Variants in WDR33 observed in about 807,000 individuals in gnomAD.
WDR33 encodes the protein WD repeat domain 33.
A neutral mutation model predicts 164.9 loss-of-function variants in WDR33; 47 were observed. The observed-to-expected ratio is 0.29, with a 90% CI of 0.23 to 0.36. The LOEUF (loss-of-function observed/expected upper bound fraction) is 0.36, where lower values mean the gene tolerates loss of function less well. Ranked by LOEUF, WDR33 falls within the 10% of genes least tolerant of loss-of-function variation. WDR33 has a pLI of 1.00. For synonymous variants in WDR33, 505 were observed against 589.0 expected, an observed-to-expected ratio of 0.86 and a Z score of 2.06; for missense variants, 1,137 against 1,754.1, an observed-to-expected ratio of 0.65 and a Z score of 6.28.
intron 8 of WDR33, among the ~76,000 whole-genome samples, chr2:127,725,474 C>T (rs749453260): frequency 1.8e-4 from 27 of 152,152 alleles, no homozygotes; most frequent in Non-Finnish European, 2.9e-4. Context: ...TGATGGCTCA[C>T]GCCTGTAATC....
At chr2:127,754,278 TA>T (rs752569673) in intron 7 of WDR33, among the ~76,000 whole-genome samples, 3 of 152,178 alleles carry the variant, frequency 2.0e-5, no homozygotes, top group Non-Finnish European at 4.4e-5. Context: ...AACATAAAAC[TA>T]ACGTTAATAT....
In WDR33 at chr2:127,783,778, G is replaced by C. The variant is rs910091987; in HGVS notation, c.-23-12774C>G. ...CACCACCACCCCCAGCTAATTTTTTGTATTTTTAGTAGAGACAAGGTTTCA... is the reference window on the plus strand; with the variant it reads ...CACCACCACCCCCAGCTAATTTTTTCTATTTTTAGTAGAGACAAGGTTTCA... On this transcript the variant is annotated intron_variant, in intron 1 of 21. Coordinates refer to ENST00000322313, the MANE Select transcript of WDR33 (RefSeq NM_018383.5). Among the ~76,000 whole-genome samples the C allele has an allele frequency of 7.9e-5, 12 of 151,328 alleles. 1 individual carries two copies. Among genetic ancestry groups the C allele is most frequent in the African/African-American group, 2.4e-4 (10 of 41,170 alleles).
intron 1 of WDR33, among the ~76,000 whole-genome samples, chr2:127,774,103 G>C (rs963168126): frequency 7.0e-6 from 1 of 142,544 alleles, no homozygotes; most frequent in Admixed American, 7.2e-5. Context: ...CCTGGCTAGA[G>C]TGCAGTGGCA....
At position 127,800,173 on chromosome 2, in the gene WDR33, A is replaced by G. The variant is rs1689184915; in HGVS notation, c.-24+10839T>C. Among the ~76,000 whole-genome samples, 9 of 152,238 alleles carry G rather than the reference A, an allele frequency of 5.9e-5. No individual in the cohort carries two copies. In the South Asian group the frequency reaches 1.9e-3, roughly 32 times the overall value. On this transcript the variant is annotated intron_variant, in intron 1 of 21. Transcript: ENST00000322313. ...CTAGGTAAATTCCCAAGGGAACTGA[A>G]AGCATTATGTCCACACAAATATTTG...
chr2:127,736,100 G>A, intron 7 of WDR33: 2 of 985,434 alleles, frequency 2.0e-6, no homozygotes, highest in South Asian at 9.4e-5. Context: ...CAGTCTGAGA[G>A]CCTTCAGTCC....
At chr2:127,743,717 C>A (rs1020055069) in intron 7 of WDR33, among the ~76,000 whole-genome samples, 1 of 152,180 alleles carries the variant, frequency 6.6e-6, no homozygotes, top group South Asian at 2.1e-4. Context: ...AGTTGGCAGT[C>A]CCCTTAAAAA....
In WDR33 at chr2:127,709,043, C is replaced by T. The variant is rs1686088236; in HGVS notation, c.3566-151G>A. On this transcript the variant is annotated intron_variant, in intron 20 of 21. Coordinates refer to ENST00000322313, the MANE Select transcript of WDR33 (RefSeq NM_018383.5). The surrounding 1 kb of genome is among the most constrained non-coding windows in gnomAD (Gnocchi z 5.0). Reference sequence around the variant, plus strand: ...GCCAAAGGGTAAGCCACCCAGACATCAGGGTGCCTCCTCATGTAAGAGGGG... The same window carrying T: ...GCCAAAGGGTAAGCCACCCAGACATTAGGGTGCCTCCTCATGTAAGAGGGG... The T allele has an allele frequency of 1.3e-6, 1 of 743,158 alleles. No individual in the cohort carries two copies. The highest frequency in any genetic ancestry group is 2.6e-5 in the South Asian group (1 of 38,938). The allele number at this position is 743,158 out of a possible 1,614,324, so 46.0% of individuals were successfully genotyped here. A position where few individuals can be genotyped will look rare whatever the true frequency, so the allele number is the denominator to read the frequency against.
chr2:127,761,211 T>C (rs1687662887), intron 7 of WDR33, among the ~76,000 whole-genome samples: 1 of 152,146 alleles, frequency 6.6e-6, no homozygotes, highest in Non-Finnish European at 1.5e-5. Context: ...AGAATTACTT[T>C]TTTTTTTGAG....
chr2:127,771,184 T>C (rs546686391), intron 1 of WDR33, among the ~76,000 whole-genome samples, 180 bp from the exon 2 acceptor site: 3 of 152,306 alleles, frequency 2.0e-5, no homozygotes, highest in Non-Finnish European at 2.9e-5. Flanking sequence ...CAGAGATGCA[T>C]CCTTAGGCAA....
In WDR33 at chr2:127,702,194, C is replaced by T. The variant is rs770152287; in HGVS notation, c.*4129G>A. On this transcript the variant is annotated 3_prime_UTR_variant, in exon 22 of 22. Transcript: ENST00000322313. Reference sequence around the variant, plus strand: ...CCGTGTGAGGACCTCGCGCCCTCGCCGCTGGGGAAGTACGCGGAGCCAGCG... The same window carrying T: ...CCGTGTGAGGACCTCGCGCCCTCGCTGCTGGGGAAGTACGCGGAGCCAGCG... 220 of 1,214,074 alleles carry T rather than the reference C, an allele frequency of 1.8e-4. No individual in the cohort carries two copies. Among genetic ancestry groups the T allele is most frequent in the Admixed American group, 2.2e-4 (5 of 22,938 alleles). 75.2% of individuals were successfully genotyped at this position (1,214,074 alleles called of 1,614,324 possible).
intron 7 of WDR33, among the ~76,000 whole-genome samples, chr2:127,743,580 GA>G (rs141557980): frequency 0.076 from 11,542 of 152,216 alleles, 456 homozygotes; most frequent in Non-Finnish European, 0.092. Context: ...TTCAAGAACA[GA>G]ATAAAATTGG....
chr2:127,752,652 G>A lies in WDR33; in HGVS notation c.724+10410C>T, dbSNP rs908038723. ...GTCTAGGCACCAATGACAGCAGCCTGCTGCTATGAGCTGTGAAGACTACTC... is the reference window on the plus strand; with the variant it reads ...GTCTAGGCACCAATGACAGCAGCCTACTGCTATGAGCTGTGAAGACTACTC... On this transcript the variant is annotated intron_variant, in intron 7 of 21. Transcript: ENST00000322313. Among the ~76,000 whole-genome samples, 65 of 150,584 alleles carry A rather than the reference G, an allele frequency of 4.3e-4. 1 individual carries two copies. Among genetic ancestry groups the A allele is most frequent in the African/African-American group, 1.5e-3 (61 of 41,024 alleles).
At chr2:127,778,125 T>C (rs575474773) in intron 1 of WDR33, among the ~76,000 whole-genome samples, 29 of 152,034 alleles carry the variant, frequency 1.9e-4, no homozygotes, top group Admixed American at 1.4e-3. Flanking sequence ...AAGACCCCCA[T>C]CTCTGCAAAA....
In WDR33 at chr2:127,709,615, A is replaced by T. The variant is rs780550907; in HGVS notation, c.3473-33T>A. ...ACAGAGCAAACAATGCTGCACTCAG[A>T]CTGTTCCTGGTGTATTCACAACCAG... On this transcript the variant is annotated intron_variant, in intron 19 of 21. Transcript: ENST00000322313. This position sits in a 1 kb window ranked among gnomAD's most constrained non-coding sequence, Gnocchi z 5.0. The T allele has an allele frequency of 1.2e-6, 2 of 1,611,952 alleles. No homozygotes were observed. Among genetic ancestry groups the T allele is most frequent in the South Asian group, 2.2e-5 (2 of 91,064 alleles).
intron 7 of WDR33, among the ~76,000 whole-genome samples, chr2:127,728,252 C>G (rs952168583): frequency 6.6e-6 from 1 of 151,914 alleles, no homozygotes; most frequent in Non-Finnish European, 1.5e-5. Context: ...TGTGATGCAC[C>G]TATTATAAAT....
intron 1 of WDR33, among the ~76,000 whole-genome samples, chr2:127,786,555 C>T (rs1688580522): frequency 1.3e-5 from 2 of 152,162 alleles, no homozygotes; most frequent in Non-Finnish European, 2.9e-5. Context: ...TGGTGGTGCA[C>T]ACCTGTGATC....
intron 7 of WDR33, among the ~76,000 whole-genome samples, chr2:127,759,382 G>A (rs192730531): frequency 5.3e-4 from 80 of 152,198 alleles, no homozygotes; most frequent in African/African-American, 1.8e-3. Context: ...AACAATCTCA[G>A]AAATACTATA....
In WDR33 at chr2:127,702,006, G is replaced by T; in HGVS notation, c.*4317C>A. On this transcript the variant is annotated 3_prime_UTR_variant, in exon 22 of 22. Transcript: ENST00000322313. ...AGCGCTGGGCGCCACGCTGTTCGCC[G>T]CGCTGGGCCTTCGCAGCACGCTGCT... The T allele has an allele frequency of 1.1e-5, 15 of 1,310,984 alleles. No homozygotes were observed. The highest frequency in any genetic ancestry group is 1.5e-5 in the Non-Finnish European group (15 of 1,033,150). 81.2% of individuals were successfully genotyped at this position (1,310,984 alleles called of 1,614,324 possible).
chr2:127,720,416 T>C lies in WDR33; in HGVS notation c.1672-63A>G, dbSNP rs1339807066. On this transcript the variant is annotated intron_variant, in intron 15 of 21. Transcript: ENST00000322313. This position sits in a 1 kb window ranked among gnomAD's most constrained non-coding sequence, Gnocchi z 5.9. ...AGGCCAGAGCCCTTGAAGATGACAATATTGCTATCATGTATTCTGTTAGGG... is the reference window on the plus strand; with the variant it reads ...AGGCCAGAGCCCTTGAAGATGACAACATTGCTATCATGTATTCTGTTAGGG... 2.7e-6 allele frequency: 4 copies of C among 1,475,428 alleles called. No individual in the cohort carries two copies. The highest frequency in any genetic ancestry group is 2.4e-5 in the Admixed American group (1 of 40,874). The allele number at this position is 1,475,428 out of a possible 1,614,324, so 91.4% of individuals were successfully genotyped here. A position where few individuals can be genotyped will look rare whatever the true frequency, so the allele number is the denominator to read the frequency against.
Sources: allele counts gnomAD v4.1 joint callset (sites outside exome capture counted in the v4.1 genomes callset), GRCh38; gene constraint gnomAD v4.1.1; non-coding constraint Gnocchi (gnomAD v3.1); transcripts MANE v1.5; gene names NCBI Gene and HGNC (gene_info 2026-07-23, HGNC 2026-07-21).